SLC29A4: variants seen among roughly 807,000 people sequenced by gnomAD.
SLC29A4 encodes the protein equilibrative nucleoside transporter 4.
Under a neutral mutation model 43.9 loss-of-function variants are expected in SLC29A4, and 36 were observed. That is an observed-to-expected ratio of 0.82 (90% CI 0.63 to 1.08). SLC29A4 has a LOEUF of 1.08. Among genes scored for constraint, SLC29A4 ranks in the 50% least tolerant of loss-of-function variants. The pLI, the probability that SLC29A4 is intolerant of heterozygous loss-of-function variation, is 0.00. For missense variants in SLC29A4, 869 were observed against 755.3 expected (o/e 1.15, Z -1.77); for synonymous variants, 491 against 338.0 (o/e 1.45, Z -4.97).
chr7:5,285,710 C>T (rs1784901853), intron 1 of SLC29A4, among the ~76,000 whole-genome samples: 1 of 152,152 alleles, frequency 6.6e-6, no homozygotes, highest in African/African-American at 2.4e-5. Flanking sequence ...CATGGGTCAG[C>T]CCCAGAGAAA....
At chr7:5,284,032 A>ACCCCCCCCCCCCCCCCCCCC (rs79051188) in intron 1 of SLC29A4, among the ~76,000 whole-genome samples, 1 of 72,250 alleles carries the variant, frequency 1.4e-5, no homozygotes, top group African/African-American at 5.1e-5. Context: ...GAGCTGCACG[A>ACCCCCCCCCCCCCCCCCCCC]CCCCCCCCCC....
chr7:5,297,460 C>A (rs1785789174), intron 7 of SLC29A4, among the ~76,000 whole-genome samples: 1 of 152,236 alleles, frequency 6.6e-6, no homozygotes, highest in Admixed American at 6.5e-5. Flanking sequence ...CTGCTGTGCC[C>A]CACGGCGTGG....
At chr7:5,295,098 T>C (rs778402311) in intron 6 of SLC29A4, among the ~76,000 whole-genome samples, 164 bp downstream of exon 6, 29 of 151,962 alleles carry the variant, frequency 1.9e-4, no homozygotes, top group Admixed American at 1.2e-3. Flanking sequence ...CTGGCCTGGC[T>C]GGGGGTAGAA....
chr7:5,288,750 G>A (rs1785119712), intron 2 of SLC29A4, among the ~76,000 whole-genome samples: 2 of 152,116 alleles, frequency 1.3e-5, no homozygotes, highest in Non-Finnish European at 2.9e-5. Context: ...GCTGTGTGAC[G>A]TTAGGCAAGG....
chr7:5,298,313 C>T (rs1370377067), intron 7 of SLC29A4, among the ~76,000 whole-genome samples: 1 of 152,120 alleles, frequency 6.6e-6, no homozygotes, highest in African/African-American at 2.4e-5. Context: ...TAAGACCTGA[C>T]CCACAGGAAG....
chr7:5,293,491 C>T (rs769993180), intron 5 of SLC29A4, among the ~76,000 whole-genome samples: 1 of 152,132 alleles, frequency 6.6e-6, no homozygotes, highest in Non-Finnish European at 1.5e-5. Context: ...CTTTCAAACT[C>T]TTTTTGACCA....
intron 7 of SLC29A4, among the ~76,000 whole-genome samples, chr7:5,298,699 C>T (rs1354760735): frequency 2.0e-5 from 3 of 152,122 alleles, no homozygotes; most frequent in African/African-American, 7.2e-5. Flanking sequence ...ACTTGGGAGG[C>T]TGAGGTGGGA....
rs141514048 is a variant in SLC29A4 at position 5,299,013 on chromosome 7, C to A, written c.908C>A (p.Pro303His). The change falls in exon 8 of 11, where the codon CCC becomes CAC. Residue 303 changes from proline (P) to histidine (H), a missense_variant. By Grantham distance (77) the Pro-to-His change is moderately conservative (BLOSUM62 -2). Coordinates refer to ENST00000396872, the MANE Select transcript of SLC29A4 (RefSeq NM_153247.4). ...GAGCACCCAGCCCCGGCCCTGGCCC[C>A]CAACGAGTCCCCAAAGGACAGCCCA... Reference protein sequence around the residue: ...HFEHPAPALAPNESPKDSPAH... With the variant: ...HFEHPAPALAHNESPKDSPAH... 19 of 1,611,032 alleles carry A rather than the reference C, an allele frequency of 1.2e-5. 1 individual carries two copies. The South Asian group carries it at 1.6e-4, about 14-fold the overall frequency.
chr7:5,284,787 A>G (rs1784854885), intron 1 of SLC29A4, among the ~76,000 whole-genome samples: 1 of 152,164 alleles, frequency 6.6e-6, no homozygotes, highest in Non-Finnish European at 1.5e-5. Flanking sequence ...GCAGCTGCCC[A>G]CTTTGCCGAC....
chr7:5,298,305 A>G (rs958858006), intron 7 of SLC29A4, among the ~76,000 whole-genome samples: 3 of 152,158 alleles, frequency 2.0e-5, no homozygotes, highest in African/African-American at 4.8e-5. Flanking sequence ...TTTTGGGCTA[A>G]GACCTGACCC....
In SLC29A4 at chr7:5,306,532, C is replaced by T. The variant is rs1786510657; in HGVS notation, c.*3593C>T. 6.6e-6 allele frequency: 1 copy of T among 151,948 alleles called. No homozygotes were observed. The highest frequency in any genetic ancestry group is 6.6e-5 in the Admixed American group (1 of 15,236). 9.4% of individuals were successfully genotyped at this position (151,948 alleles called of 1,614,324 possible). A position where few individuals can be genotyped will look rare whatever the true frequency, so the allele number is the denominator to read the frequency against. On this transcript the variant is annotated 3_prime_UTR_variant, in exon 11 of 11. Coordinates refer to ENST00000396872, the MANE Select transcript of SLC29A4 (RefSeq NM_153247.4). ...TATTTTTAGTAGAGATGGGGTTTCA[C>T]CATATTGGCCAGGCTGGTCTCGAAC...
rs778041042 is a variant in SLC29A4, at chr7:5,296,942, C to T, written c.626C>T (p.Ala209Val). 4 of 1,549,160 alleles carry T rather than the reference C, an allele frequency of 2.6e-6. No homozygotes were observed. Among genetic ancestry groups the T allele is most frequent in the East Asian group, 2.2e-5 (1 of 44,690 alleles). The change falls in exon 7 of 11, where the codon GCG (alanine) becomes GTG (valine). Residue 209 changes from alanine to valine, a missense_variant. Ala to Val is a moderately conservative substitution (Grantham distance 64, BLOSUM62 0). Coordinates refer to ENST00000396872, the MANE Select transcript of SLC29A4 (RefSeq NM_153247.4). ...TQGVMTGEST[A>V]GVMISLSRIL... ...CACTGTGCACGCCCCCCAGGCACGG[C>T]GGGCGTGATGATCTCTCTGAGCCGC... is the stretch of plus-strand genomic sequence containing the variant.
At chr7:5,302,184 C>A (rs1786218376) in intron 10 of SLC29A4, among the ~76,000 whole-genome samples, 1 of 152,252 alleles carries the variant, frequency 6.6e-6, no homozygotes, top group African/African-American at 2.4e-5. Context: ...CTCCTAACCT[C>A]AGGTGATCTG....
intron 2 of SLC29A4, among the ~76,000 whole-genome samples, chr7:5,289,209 C>A (rs1303262448): frequency 3.9e-5 from 6 of 152,036 alleles, no homozygotes; most frequent in Non-Finnish European, 8.8e-5. Flanking sequence ...CCGGCCTGAA[C>A]AACCTGGCAA....
chr7:5,294,045 G>T (rs1267521091), intron 5 of SLC29A4, among the ~76,000 whole-genome samples: 5 of 151,964 alleles, frequency 3.3e-5, no homozygotes, highest in South Asian at 2.1e-4. Context: ...GGCAGAGGTT[G>T]CAGTGAGCCG....
chr7:5,283,510 C>G (rs1194810457), intron 1 of SLC29A4, among the ~76,000 whole-genome samples: 1 of 152,176 alleles, frequency 6.6e-6, no homozygotes, highest in East Asian at 1.9e-4. Context: ...TGTCCTTTGC[C>G]TGGGGGCGCA....
At chr7:5,293,151 C>G (rs1013799773) in intron 5 of SLC29A4, among the ~76,000 whole-genome samples, 9 of 142,790 alleles carry the variant, frequency 6.3e-5, no homozygotes, top group African/African-American at 1.8e-4. Context: ...TGTAGACTTT[C>G]TTTTTTTTCT....
Position 5,287,945 on chromosome 7 carries a change from G to T in SLC29A4, c.129G>T (p.Gln43His). Reference sequence around the variant, plus strand: ...AGGCGGCGGAGGCGGCTCAGGGCCAGGGCCTTAGGGCCAGGGGCGTCCCAG... The same window carrying T: ...AGGCGGCGGAGGCGGCTCAGGGCCATGGCCTTAGGGCCAGGGGCGTCCCAG... The part of the protein sequence containing the change: ...LEEAAEAAQG[Q>H]GLRARGVPAF... Residue 43 changes from glutamine to histidine, a missense_variant, in exon 2 of 11, where the codon CAG becomes CAT. Physicochemically the swap from Gln to His is conservative, Grantham distance 24 (BLOSUM62 0). Transcript: ENST00000396872. 6.2e-7 allele frequency: 1 copy of T among 1,611,302 alleles called. No individual in the cohort carries two copies. The highest frequency in any genetic ancestry group is 8.5e-7 in the Non-Finnish European group (1 of 1,179,616).
chr7:5,300,043 C>T (rs1786027766), intron 9 of SLC29A4, among the ~76,000 whole-genome samples: 1 of 151,280 alleles, frequency 6.6e-6, no homozygotes, highest in South Asian at 2.1e-4. Flanking sequence ...CAGCACGAGA[C>T]TCTGTCTCAA....
Sources: gnomAD v4.1 joint callset for allele counts (sites outside exome capture counted in the v4.1 genomes callset) on GRCh38, gnomAD v4.1.1 for gene constraint, MANE v1.5 for transcripts, NCBI Gene and HGNC (gene_info 2026-07-23, HGNC 2026-07-21) for gene names.